The following RAD51B variants were observed in gnomAD, a reference collection of about 807,000 sequenced individuals.
RAD51B encodes RAD51 paralog B.
A neutral mutation model predicts 42.2 loss-of-function variants in RAD51B; 38 were observed. The ratio of observed to expected loss-of-function variants is 0.90; its 90% CI spans 0.70 to 1.18. The LOEUF (loss-of-function observed/expected upper bound fraction) is 1.18, where lower values mean the gene tolerates loss of function less well. Among genes scored for constraint, RAD51B ranks in the 50% most tolerant of loss-of-function variants. The pLI, the probability that RAD51B is intolerant of heterozygous loss-of-function variation, is 0.00. For synonymous variants in RAD51B, 154 were observed against 145.2 expected, an observed-to-expected ratio of 1.06 and a Z score of -0.43; for missense variants, 373 against 400.7, an observed-to-expected ratio of 0.93 and a Z score of 0.59.
chr14:68,571,089 G>C (rs561835289), intron 10 of RAD51B, among the ~76,000 whole-genome samples: 28 of 152,306 alleles, frequency 1.8e-4, no homozygotes, highest in South Asian at 1.5e-3. Flanking sequence ...ATTGGCAGAG[G>C]GGGGAGGCAG....
intron 8 of RAD51B, among the ~76,000 whole-genome samples, chr14:68,392,762 G>C (rs1272309537): frequency 1.3e-5 from 2 of 152,190 alleles, no homozygotes; most frequent in African/African-American, 4.8e-5. Context: ...AAAGAAACTG[G>C]TCCATACTAG....
intron 7 of RAD51B, among the ~76,000 whole-genome samples, chr14:67,897,568 A>G (rs564052150): frequency 6.6e-6 from 1 of 152,218 alleles, no homozygotes; most frequent in East Asian, 1.9e-4. Context: ...TAACACTCAC[A>G]TCGCTTAATA....
chr14:68,675,019 A>G (rs548194851), intron 11 of RAD51B, among the ~76,000 whole-genome samples: 113 of 152,294 alleles, frequency 7.4e-4, no homozygotes, highest in African/African-American at 2.3e-3. Flanking sequence ...TGATAATGGG[A>G]CTTTACCATA....
At chr14:68,326,047 T>C (rs1203934927) in intron 8 of RAD51B, among the ~76,000 whole-genome samples, 8 of 140,554 alleles carry the variant, frequency 5.7e-5, no homozygotes, top group East Asian at 4.1e-4. Context: ...TCTTTTTTTT[T>C]TTTTTTTTTT....
At chr14:68,444,094 GAATGAAGA>G (rs1285308061) in intron 9 of RAD51B, among the ~76,000 whole-genome samples, 1 of 152,188 alleles carries the variant, frequency 6.6e-6, no homozygotes, top group African/African-American at 2.4e-5. Context: ...TTCTTGTAAA[GAATGAAGA>G]ACGGGTGTTC....
chr14:68,491,758 G>T (rs1317190206), intron 10 of RAD51B, among the ~76,000 whole-genome samples: 1 of 152,214 alleles, frequency 6.6e-6, no homozygotes, highest in Non-Finnish European at 1.5e-5. Flanking sequence ...TCATGCCAGG[G>T]GGCCTGTGAA....
chr14:68,497,641 T>C, intron 10 of RAD51B: 1 of 663,142 alleles, frequency 1.5e-6, no homozygotes, highest in Non-Finnish European at 1.9e-6. Context: ...AATATTTTCA[T>C]CACCCCAAAA....
chr14:68,274,235 T>A (rs2081178037), intron 7 of RAD51B, among the ~76,000 whole-genome samples: 1 of 152,208 alleles, frequency 6.6e-6, no homozygotes, highest in African/African-American at 2.4e-5. Context: ...TTTTTTCCGG[T>A]ATGATTATAT....
chr14:68,576,496 G>T (rs1290997), intron 10 of RAD51B, among the ~76,000 whole-genome samples: 33,262 of 152,152 alleles, frequency 0.22, 3,754 homozygotes, highest in East Asian at 0.41. Context: ...CTTGTTCTAG[G>T]GAAAGTGTCT....
At chr14:68,675,083 G>A (rs1276294107) in intron 11 of RAD51B, among the ~76,000 whole-genome samples, 1 of 152,130 alleles carries the variant, frequency 6.6e-6, no homozygotes, top group Non-Finnish European at 1.5e-5. Context: ...CCCTCAGATA[G>A]CAAGGGAAAG....
At chr14:68,117,668 C>T (rs560843925) in intron 7 of RAD51B, among the ~76,000 whole-genome samples, 1 of 152,282 alleles carries the variant, frequency 6.6e-6, no homozygotes, top group African/African-American at 2.4e-5. Context: ...GGAGACATGA[C>T]AAATTATTGC....
chr14:68,477,306 G>A (rs1882718698), intron 10 of RAD51B, among the ~76,000 whole-genome samples: 1 of 152,192 alleles, frequency 6.6e-6, no homozygotes, highest in Non-Finnish European at 1.5e-5. Flanking sequence ...AGGGCTTCCT[G>A]GCTACAGATG....
chr14:68,155,662 G>T (rs1038490588), intron 7 of RAD51B, among the ~76,000 whole-genome samples: 53 of 152,134 alleles, frequency 3.5e-4, no homozygotes, highest in African/African-American at 1.2e-3. Flanking sequence ...GTCAATAAAT[G>T]GTTGCAAAAT....
At chr14:67,920,060 C>G (rs1385379906) in intron 7 of RAD51B, among the ~76,000 whole-genome samples, 1 of 151,954 alleles carries the variant, frequency 6.6e-6, no homozygotes, top group Non-Finnish European at 1.5e-5. Flanking sequence ...AAGCATTCAT[C>G]AGTTTTTATT....
chr14:68,096,619 C>T (rs992409893), intron 7 of RAD51B, among the ~76,000 whole-genome samples: 6 of 152,180 alleles, frequency 3.9e-5, no homozygotes, highest in Non-Finnish European at 7.3e-5. Context: ...CACATCCCAT[C>T]GTTTTTGAGA....
rs534963497 is a variant in RAD51B at position 68,196,471 on chromosome 14, C to T, written c.757-95413C>T. On this transcript the variant is annotated intron_variant, in intron 7 of 10. Coordinates refer to ENST00000471583, the MANE Select transcript of RAD51B (RefSeq NM_133510.4). ...CTCCTCACTCTTTCCTACTTCTCCA[C>T]ATCTTCACACAGGTTCTTTCCTCTC... is the stretch of plus-strand genomic sequence containing the variant. Among the ~76,000 whole-genome samples the T allele has an allele frequency of 2.0e-5, 3 of 152,214 alleles. No homozygotes were observed. In the East Asian group the frequency reaches 5.8e-4, roughly 29 times the overall value.
intron 5 of RAD51B, among the ~76,000 whole-genome samples, chr14:67,882,698 A>G (rs2042945528): frequency 6.6e-6 from 1 of 152,202 alleles, no homozygotes; most frequent in African/African-American, 2.4e-5. Context: ...CTGCTTCAAT[A>G]AAGTTGTGAT....
At chr14:68,428,730 T>C (rs1352764906) in intron 9 of RAD51B, among the ~76,000 whole-genome samples, 29 of 8,914 alleles carry the variant, frequency 3.3e-3, no homozygotes, top group Non-Finnish European at 7.6e-3. Flanking sequence ...TATATATATA[T>C]ATATATATAT....
At chr14:68,072,231 ACTC>A (rs1182420263) in intron 7 of RAD51B, among the ~76,000 whole-genome samples, 2 of 139,584 alleles carry the variant, frequency 1.4e-5, no homozygotes, top group Admixed American at 7.2e-5. Context: ...TATAAAATAA[ACTC>A]CTATATATAT....
Sources: allele counts gnomAD v4.1 joint callset (sites outside exome capture counted in the v4.1 genomes callset), GRCh38; gene constraint gnomAD v4.1.1; transcripts MANE v1.5; gene names NCBI Gene and HGNC (gene_info 2026-07-23, HGNC 2026-07-21).